The following CEP295 variants were observed in gnomAD, a reference collection of about 807,000 sequenced individuals.
CEP295 encodes the protein centrosomal protein 295.
In CEP295, 190 loss-of-function variants were observed where a neutral mutation model predicts 291.6. The ratio of observed to expected loss-of-function variants is 0.65; its 90% CI spans 0.58 to 0.73. CEP295 has a LOEUF of 0.73. CEP295 is among the 30% of genes least tolerant of loss of function. CEP295 has a pLI of 0.00. For synonymous variants in CEP295, 993 were observed against 1,038.8 expected (o/e 0.96, Z 0.85); for missense variants, 2,863 against 2,949.4 (o/e 0.97, Z 0.68).
At chr11:93,721,703 C>T (rs777197776) in intron 19 of CEP295, 10 of 614,606 alleles carry the variant, frequency 1.6e-5, no homozygotes, top group East Asian at 1.2e-4. Flanking sequence ...TGTGTGTGTA[C>T]GCACATGTGT....
intron 10 of CEP295, 51 bp from the exon 11 acceptor site, chr11:93,691,632 A>T (rs1283747883): frequency 8.1e-7 from 1 of 1,235,718 alleles, no homozygotes; most frequent in Admixed American, 2.2e-5. Context: ...TTTTGCTTTA[A>T]GTTTGACAAT....
At chr11:93,681,802 C>T (rs1259580949) in intron 7 of CEP295, among the ~76,000 whole-genome samples, 15 of 151,918 alleles carry the variant, frequency 9.9e-5, no homozygotes, top group Non-Finnish European at 5.9e-5. Flanking sequence ...CTGCCTCGAC[C>T]TCCCAAAGTG....
At position 93,697,211 on chromosome 11, in the gene CEP295, C is replaced by G. The variant is rs933620870; in HGVS notation, c.2299C>G (p.Gln767Glu). Residue 767 changes from glutamine to glutamate, a missense_variant, in exon 15 of 30, where the codon CAA becomes GAA. Coordinates refer to ENST00000325212, the MANE Select transcript of CEP295 (RefSeq NM_033395.2). Reference protein sequence around the residue: ...ATTFQSLESQQLFSENSENIS... With the variant: ...ATTFQSLESQELFSENSENIS... ...AACTTTTCAAAGTTTAGAATCCCAA[C>G]AATTGTTCTCAGAGAATAGTGAAAA... 2 of 1,551,778 alleles carry G rather than the reference C, an allele frequency of 1.3e-6. No individual in the cohort carries two copies. Among genetic ancestry groups the G allele is most frequent in the Admixed American group, 3.9e-5 (2 of 51,008 alleles).
chr11:93,675,796 A>AC, intron 6 of CEP295, 130 bp downstream of exon 6: 1 of 543,324 alleles, frequency 1.8e-6, no homozygotes. Flanking sequence ...AATAATCAAA[A>AC]CCTTTTAAAT....
chr11:93,679,617 T>G (rs1950864664), intron 7 of CEP295, 65 bp downstream of exon 7: 3 of 1,336,434 alleles, frequency 2.2e-6, no homozygotes, highest in Admixed American at 2.5e-5. Flanking sequence ...CAGGACTGAT[T>G]AGTGAATGAG....
chr11:93,689,821 T>C (rs915228736), intron 10 of CEP295, among the ~76,000 whole-genome samples: 1 of 152,208 alleles, frequency 6.6e-6, no homozygotes, highest in Non-Finnish European at 1.5e-5. Context: ...ACAAAACAGG[T>C]GCTCAGTTAA....
chr11:93,717,335 C>T lies in CEP295; in HGVS notation c.5750-3977C>T, dbSNP rs187257425. On this transcript the variant is annotated intron_variant, in intron 18 of 29. Coordinates refer to ENST00000325212, the MANE Select transcript of CEP295 (RefSeq NM_033395.2). ...GTTGATAACCTCTAGCTAAAGACTA[C>T]GAGGAACGCACCTATAGTTGAACAA... Among the ~76,000 whole-genome samples the T allele has an allele frequency of 7.9e-5, 12 of 152,262 alleles. No homozygotes were observed. The East Asian group carries it at 2.1e-3, about 27-fold the overall frequency.
intron 23 of CEP295, among the ~76,000 whole-genome samples, chr11:93,726,380 C>T (rs1319251131): frequency 6.6e-6 from 1 of 152,208 alleles, no homozygotes; most frequent in East Asian, 1.9e-4. Context: ...ATGATCCACT[C>T]GTCTTGGCCT....
intron 7 of CEP295, among the ~76,000 whole-genome samples, 196 bp downstream of exon 7, chr11:93,679,748 T>A (rs1950872302): frequency 2.0e-5 from 3 of 152,212 alleles, no homozygotes. Flanking sequence ...ATTCTCCCAG[T>A]GTATTGCTAT....
rs1456723973 is a variant in CEP295, at chr11:93,699,641, T to A, written c.4729T>A (p.Ser1577Thr). The A allele has an allele frequency of 3.9e-6, 6 of 1,551,574 alleles. No homozygotes were observed. The East Asian group carries it at 7.3e-5, about 19-fold the overall frequency. ...FPTKSNDTLP[S>T]SHREIPRLQD... is the part of the protein sequence containing the mutation. The stretch of plus-strand genomic sequence containing the variant: ...AACCAAAAGTAATGATACTCTTCCC[T>A]CAAGTCATCGTGAGATTCCAAGATT... Residue 1577 changes from serine to threonine, a missense_variant, in exon 15 of 30, where the codon TCA (serine) becomes ACA (threonine). Ser to Thr is a moderately conservative substitution (Grantham distance 58). Transcript: ENST00000325212.
Position 93,698,654 on chromosome 11 carries a change from C to T in CEP295, c.3742C>T (p.Gln1248Ter). 6.4e-7 allele frequency: 1 copy of T among 1,550,812 alleles called. No homozygotes were observed. The highest frequency in any genetic ancestry group is 8.7e-7 in the Non-Finnish European group (1 of 1,147,114). The change falls in exon 15 of 30, where the codon CAA becomes TAA. Residue 1248 changes from glutamine (Q) to a stop codon, truncating the protein, a stop_gained. Coordinates refer to ENST00000325212, the MANE Select transcript of CEP295 (RefSeq NM_033395.2). LOFTEE classifies it high-confidence loss of function. ...RCQERLLRVS[Q>*]HMLPLQDNLE... Reference sequence around the variant, plus strand: ...TCAGGAAAGACTTTTGAGAGTTTCACAACATATGCTACCTCTACAAGATAA... The same window carrying T: ...TCAGGAAAGACTTTTGAGAGTTTCATAACATATGCTACCTCTACAAGATAA...
At chr11:93,680,198 G>C (rs1024052488) in intron 7 of CEP295, among the ~76,000 whole-genome samples, 1 of 152,162 alleles carries the variant, frequency 6.6e-6, no homozygotes, top group Non-Finnish European at 1.5e-5. Flanking sequence ...GATCACCTGA[G>C]CCCGGGACAA....
rs545178801 is a variant in CEP295, at chr11:93,678,882, A to T, written c.625-530A>T. 4.8e-3 allele frequency among the ~76,000 whole-genome samples: 729 copies of T among 151,752 alleles called. 14 individuals are homozygous for T. Among genetic ancestry groups the T allele is most frequent in the African/African-American group, 0.016 (682 of 41,346 alleles). ...TTCCTTTTTTTTATTTTTGAGATGG[A>T]GTCTTGTTCTGTCACCCAGGCTGGA... On this transcript the variant is annotated intron_variant, in intron 6 of 29. Coordinates refer to ENST00000325212, the MANE Select transcript of CEP295 (RefSeq NM_033395.2).
At chr11:93,679,586 A>G (rs1950862980) in intron 7 of CEP295, 34 bp downstream of exon 7, 1 of 1,534,614 alleles carries the variant, frequency 6.5e-7, no homozygotes, top group Non-Finnish European at 8.8e-7. Flanking sequence ...ACCATTACTC[A>G]TGGACTTACT....
chr11:93,696,552 T>A, intron 14 of CEP295, 130 bp from the exon 15 acceptor site: 1 of 1,040,774 alleles, frequency 9.6e-7, no homozygotes, highest in East Asian at 2.6e-5. Flanking sequence ...TAAAGGACAA[T>A]GTGAGTGTAA....
intron 1 of CEP295, among the ~76,000 whole-genome samples, chr11:93,665,811 T>C (rs1023426260): frequency 6.6e-6 from 1 of 152,238 alleles, no homozygotes; most frequent in African/African-American, 2.4e-5. Flanking sequence ...TTGTTTACTG[T>C]AGATTATAGA....
intron 8 of CEP295, 98 bp from the exon 9 acceptor site, chr11:93,683,865 AT>A: frequency 7.0e-7 from 1 of 1,435,654 alleles, no homozygotes; most frequent in South Asian, 1.4e-5. Flanking sequence ...GGCCCCCCAT[AT>A]TTTAGATTGA....
chr11:93,699,221 A>G lies in CEP295; in HGVS notation c.4309A>G (p.Thr1437Ala), dbSNP rs1466451928. Residue 1437 changes from threonine to alanine, a missense_variant, in exon 15 of 30, where the codon ACA becomes GCA. Thr to Ala is a moderately conservative substitution (Grantham distance 58). Coordinates refer to ENST00000325212, the MANE Select transcript of CEP295 (RefSeq NM_033395.2). ...IVSSGHSEIPTLPDGLLGLSH... is the reference protein window; with the variant it reads ...IVSSGHSEIPALPDGLLGLSH... ...ATCCTCAGGTCACTCAGAGATACCA[A>G]CATTGCCTGATGGGCTGTTGGGTTT... The G allele has an allele frequency of 7.1e-6, 11 of 1,551,816 alleles. No individual in the cohort carries two copies. Among genetic ancestry groups the G allele is most frequent in the Admixed American group, 3.9e-5 (2 of 50,976 alleles).
rs1172462031 is a variant in CEP295 at position 93,727,120 on chromosome 11, A to G, written c.6644A>G (p.His2215Arg). The change falls in exon 24 of 30, where the codon CAT becomes CGT. Residue 2215 changes from histidine to arginine, a missense_variant. By Grantham distance (29) the His-to-Arg change is conservative. Coordinates refer to ENST00000325212, the MANE Select transcript of CEP295 (RefSeq NM_033395.2). ...AATCAGAACTATCCCTCTGAAGAAC[A>G]TACTGAAATATTACAAAACAAGAAA... is the stretch of plus-strand genomic sequence containing the variant. ...MKNQNYPSEE[H>R]TEILQNKKKI... The G allele has an allele frequency of 6.4e-7, 1 of 1,551,192 alleles. No homozygotes were observed. Among genetic ancestry groups the G allele is most frequent in the Non-Finnish European group, 8.7e-7 (1 of 1,146,852 alleles).
Sources: gnomAD v4.1 joint callset for allele counts (sites outside exome capture counted in the v4.1 genomes callset) on GRCh38, gnomAD v4.1.1 for gene constraint, MANE v1.5 for transcripts, NCBI Gene and HGNC (gene_info 2026-07-23, HGNC 2026-07-21) for gene names.